The following ATOSB variants were observed in gnomAD, a reference collection of about 807,000 sequenced individuals.
The protein encoded by ATOSB is atos homolog B.
the ATOSB span, chr9:35,106,133 C>T: frequency 6.6e-7 from 1 of 1,520,604 alleles, no homozygotes; most frequent in South Asian, 1.2e-5. The surrounding 1 kb of genome is among the most constrained non-coding windows in gnomAD (Gnocchi z 4.6). Flanking sequence ...GTTCTCCTCA[C>T]CTGGCCCTGA....
the ATOSB span, chr9:35,107,842 AG>A: frequency 8.8e-6 from 14 of 1,597,598 alleles, no homozygotes; most frequent in South Asian, 4.5e-5. Context: ...GATGGGGGGC[AG>A]GGGGGACTCC....
At chr9:35,114,387 C>G in the ATOSB span, among the ~76,000 whole-genome samples, 1 of 150,416 alleles carries the variant, frequency 6.6e-6, no homozygotes, top group Admixed American at 6.6e-5. Flanking sequence ...ACCCACCCCC[C>G]TCCCCAGCCA....
chr9:35,112,015 C>G, the ATOSB span, among the ~76,000 whole-genome samples: 3 of 152,284 alleles, frequency 2.0e-5, no homozygotes, highest in East Asian at 5.8e-4. Flanking sequence ...AGACCCCAGA[C>G]CCCAAATACC....
the ATOSB span, chr9:35,107,599 C>T: frequency 8.2e-6 from 13 of 1,589,120 alleles, no homozygotes; most frequent in Non-Finnish European, 1.0e-5. Flanking sequence ...GGTGTGTGCT[C>T]GGGACTGTGC....
chr9:35,106,142 G>T, the ATOSB span: 2 of 1,531,578 alleles, frequency 1.3e-6, no homozygotes, highest in Non-Finnish European at 1.8e-6. The surrounding 1 kb of genome is among the most constrained non-coding windows in gnomAD (Gnocchi z 4.6). Context: ...ACCTGGCCCT[G>T]ACTCACTTCT....
At chr9:35,111,894 C>T in the ATOSB span, among the ~76,000 whole-genome samples, 1 of 152,336 alleles carries the variant, frequency 6.6e-6, no homozygotes, top group African/African-American at 2.4e-5. Flanking sequence ...CCACATCTTA[C>T]CCCTCCGCCC....
chr9:35,114,737 A>C, the ATOSB span, among the ~76,000 whole-genome samples: 1 of 152,030 alleles, frequency 6.6e-6, no homozygotes, highest in Non-Finnish European at 1.5e-5. Flanking sequence ...GAAGACCCTC[A>C]ATACTCCTCA....
At chr9:35,113,794 A>G in the ATOSB span, among the ~76,000 whole-genome samples, 1 of 152,010 alleles carries the variant, frequency 6.6e-6, no homozygotes, top group East Asian at 1.9e-4. Context: ...ATAGAATGGA[A>G]GCTCCATGAG....
At chr9:35,108,711 C>T in the ATOSB span, 1 of 995,904 alleles carries the variant, frequency 1.0e-6, no homozygotes, top group Non-Finnish European at 1.2e-6. Flanking sequence ...GCCACCATTC[C>T]GTGCAGCTCC....
At chr9:35,105,134 G>A in the ATOSB span, 7 of 1,398,152 alleles carry the variant, frequency 5.0e-6, no homozygotes, top group African/African-American at 2.9e-5. The surrounding 1 kb of genome is among the most constrained non-coding windows in gnomAD (Gnocchi z 5.5). Context: ...AAGCCTGAAG[G>A]GTCTCTTGCT....
At chr9:35,108,280 C>T in the ATOSB span, 1 of 1,538,420 alleles carries the variant, frequency 6.5e-7, no homozygotes, top group Non-Finnish European at 8.7e-7. Context: ...CGCATGAAGC[C>T]CCCCTTGGGT....
chr9:35,106,042 G>A, the ATOSB span: 4 of 1,600,574 alleles, frequency 2.5e-6, no homozygotes, highest in South Asian at 3.4e-5. The surrounding 1 kb of genome is among the most constrained non-coding windows in gnomAD (Gnocchi z 4.6). Flanking sequence ...GTCAAGGTGG[G>A]GACTAGGAAA....
At chr9:35,108,357 A>G in the ATOSB span, 1 of 1,436,086 alleles carries the variant, frequency 7.0e-7, no homozygotes, top group Non-Finnish European at 9.1e-7. Context: ...CATCTGTGTA[A>G]GAGAAGAGAA....
At chr9:35,108,795 C>T in the ATOSB span, 2 of 523,798 alleles carry the variant, frequency 3.8e-6, no homozygotes, top group Non-Finnish European at 4.9e-6. Context: ...TAAGGCCTGT[C>T]ACCAATTATA....
At chr9:35,106,285 A>C in the ATOSB span, 2 of 1,614,112 alleles carry the variant, frequency 1.2e-6, no homozygotes, top group Non-Finnish European at 1.7e-6. This position sits in a 1 kb window ranked among gnomAD's most constrained non-coding sequence, Gnocchi z 4.6. Context: ...GCTCAGAAAC[A>C]TCAAAGAATG....
chr9:35,113,797 T>C, the ATOSB span, among the ~76,000 whole-genome samples: 10 of 151,978 alleles, frequency 6.6e-5, no homozygotes, highest in Admixed American at 3.3e-4. Context: ...GAATGGAAGC[T>C]CCATGAGAGC....
the ATOSB span, among the ~76,000 whole-genome samples, chr9:35,114,077 C>T: frequency 3.3e-5 from 5 of 152,172 alleles, no homozygotes; most frequent in East Asian, 1.9e-4. Flanking sequence ...GACTGTTGTT[C>T]ACTCATCTCC....
the ATOSB span, among the ~76,000 whole-genome samples, chr9:35,112,798 A>C: frequency 6.6e-6 from 1 of 152,110 alleles, no homozygotes; most frequent in Non-Finnish European, 1.5e-5. Context: ...GGCCACAGAG[A>C]GCCCAAGGTC....
At chr9:35,112,717 C>A in the ATOSB span, among the ~76,000 whole-genome samples, 1 of 152,116 alleles carries the variant, frequency 6.6e-6, no homozygotes, top group East Asian at 1.9e-4. Flanking sequence ...GCTTTTTCTC[C>A]CGGTCCTTCA....
Sources: allele counts gnomAD v4.1 joint callset (sites outside exome capture counted in the v4.1 genomes callset), GRCh38; gene constraint gnomAD v4.1.1; non-coding constraint Gnocchi (gnomAD v3.1); transcripts MANE v1.5; gene names NCBI Gene and HGNC (gene_info 2026-07-23, HGNC 2026-07-21).